CHURC1: variants seen among roughly 807,000 people sequenced by gnomAD.
CHURC1 encodes the protein protein Churchill.
A neutral mutation model predicts 15.4 loss-of-function variants in CHURC1; 12 were observed. That is an observed-to-expected ratio of 0.78 (90% CI 0.50 to 1.27). CHURC1 has a LOEUF of 1.27. Among genes scored for constraint, CHURC1 ranks in the 50% most tolerant of loss-of-function variants. The pLI is 0.00. For missense variants in CHURC1, 132 were observed against 137.8 expected (o/e 0.96, Z 0.21); for synonymous variants, 42 against 47.5 (o/e 0.88, Z 0.48).
chr14:64,924,314 T>C, intron 2 of CHURC1, 188 bp downstream of exon 2: 1 of 634,432 alleles, frequency 1.6e-6, no homozygotes. Context: ...TCTATGTAAA[T>C]GACTTTTGCA....
rs942969040 is a variant in CHURC1 at position 64,934,639 on chromosome 14, C to T, written c.*2409C>T. On this transcript the variant is annotated 3_prime_UTR_variant, in exon 4 of 4. Coordinates refer to ENST00000549115, the MANE Select transcript of CHURC1 (RefSeq NM_001386928.1). ...TTGCTGCAAATCTATATCTGACCTG[C>T]TGAGGAAATCGTTTGGTGAAATGAA... is the stretch of plus-strand genomic sequence containing the variant. 3 of 985,380 alleles carry T rather than the reference C, an allele frequency of 3.0e-6. No homozygotes were observed. Among genetic ancestry groups the T allele is most frequent in the Non-Finnish European group, 3.6e-6 (3 of 829,932 alleles). 61.0% of individuals were successfully genotyped at this position (985,380 alleles called of 1,614,324 possible). A position where few individuals can be genotyped will look rare whatever the true frequency, so the allele number is the denominator to read the frequency against.
At chr14:64,924,836 C>G (rs2182034) in intron 2 of CHURC1, among the ~76,000 whole-genome samples, 4,444 of 152,224 alleles carry the variant, frequency 0.029, 119 homozygotes, top group South Asian at 0.12. Flanking sequence ...TTCACATTCC[C>G]TTTTTGCTTG....
In CHURC1 at chr14:64,934,763, A is replaced by G. The variant is rs1467161394; in HGVS notation, c.*2533A>G. The G allele has an allele frequency of 1.6e-5, 16 of 985,276 alleles. No individual in the cohort carries two copies. Among genetic ancestry groups the G allele is most frequent in the Admixed American group, 6.2e-5 (1 of 16,260 alleles). 61.0% of individuals were successfully genotyped at this position (985,276 alleles called of 1,614,324 possible). A position where few individuals can be genotyped will look rare whatever the true frequency, so the allele number is the denominator to read the frequency against. On this transcript the variant is annotated 3_prime_UTR_variant, in exon 4 of 4. Transcript: ENST00000549115. ...TTCCTTGAGTTTGCTAATGCTTCCAACTTAGTCATTTGAAGCCCAAGAGTC... is the reference window on the plus strand; with the variant it reads ...TTCCTTGAGTTTGCTAATGCTTCCAGCTTAGTCATTTGAAGCCCAAGAGTC...
intron 1 of CHURC1, among the ~76,000 whole-genome samples, chr14:64,916,685 C>G (rs928239811): frequency 6.6e-6 from 1 of 152,152 alleles, no homozygotes; most frequent in Non-Finnish European, 1.5e-5. Context: ...TCATGCCATT[C>G]TCCTGCCTCA....
chr14:64,928,311 G>C (rs551051975), intron 3 of CHURC1, among the ~76,000 whole-genome samples: 4 of 152,300 alleles, frequency 2.6e-5, no homozygotes, highest in Admixed American at 2.6e-4. Flanking sequence ...GCAGTGGCCT[G>C]ATCACAGCTC....
At chr14:64,929,487 T>A (rs546731018) in intron 3 of CHURC1, among the ~76,000 whole-genome samples, 1 of 152,292 alleles carries the variant, frequency 6.6e-6, no homozygotes, top group Non-Finnish European at 1.5e-5. Context: ...TGCCATTACT[T>A]ACTGTCCTTG....
At chr14:64,928,150 A>G (rs117913613) in intron 3 of CHURC1, among the ~76,000 whole-genome samples, 3 of 151,948 alleles carry the variant, frequency 2.0e-5, no homozygotes, top group South Asian at 4.2e-4. Flanking sequence ...TGCTACCCCT[A>G]CTGCATTTCC....
intron 1 of CHURC1, among the ~76,000 whole-genome samples, chr14:64,917,481 T>C (rs553997899): frequency 6.6e-6 from 1 of 152,272 alleles, no homozygotes; most frequent in African/African-American, 2.4e-5. Context: ...TAGAATCGCT[T>C]GAACCTGGGA....
intron 2 of CHURC1, among the ~76,000 whole-genome samples, 187 bp from the exon 3 acceptor site, chr14:64,925,823 A>G (rs1413090923): frequency 7.2e-6 from 1 of 137,978 alleles, no homozygotes; most frequent in Non-Finnish European, 1.5e-5. Context: ...GAATTATGTA[A>G]CGTTGTTATG....
chr14:64,923,390 C>T (rs542584675), intron 1 of CHURC1, among the ~76,000 whole-genome samples: 6 of 151,978 alleles, frequency 3.9e-5, no homozygotes, highest in Non-Finnish European at 8.8e-5. Context: ...AACCCATTCT[C>T]TCTTAAATGC....
At chr14:64,916,667 T>C (rs1310532744) in intron 1 of CHURC1, among the ~76,000 whole-genome samples, 1 of 152,090 alleles carries the variant, frequency 6.6e-6, no homozygotes, top group African/African-American at 2.4e-5. Flanking sequence ...AAGCTCCGCC[T>C]CACTGGTTCA....
rs1489520004 is a variant in CHURC1 at position 64,926,032 on chromosome 14, T to C, written c.198T>C (p.His66=). 1 of 1,599,736 alleles carries C rather than the reference T, an allele frequency of 6.3e-7. No individual in the cohort carries two copies. ...TYDHLCKNCH[H]VIARHEYTFS... is the part of the protein sequence containing the mutation. The stretch of plus-strand genomic sequence containing the variant: ...CAGATTTGTGTAAGAATTGTCATCA[T>C]GTAATAGCCAGACATGAGTATACAT... Residue 66 remains histidine, a synonymous_variant, in exon 3 of 4, where the codon CAT becomes CAC. Coordinates refer to ENST00000549115, the MANE Select transcript of CHURC1 (RefSeq NM_001386928.1).
At position 64,935,024 on chromosome 14, in the gene CHURC1, T is replaced by G; in HGVS notation, c.*2794T>G. ...CAGAATCCTTATTTTTCTGTTCAAA[T>G]TAGGAATTAGGGACATGGATGAAAT... is the stretch of plus-strand genomic sequence containing the variant. On this transcript the variant is annotated 3_prime_UTR_variant, in exon 4 of 4. Coordinates refer to ENST00000549115, the MANE Select transcript of CHURC1 (RefSeq NM_001386928.1). 1.0e-6 allele frequency: 1 copy of G among 982,238 alleles called. No homozygotes were observed. The highest frequency in any genetic ancestry group is 5.2e-4 in the Middle Eastern group (1 of 1,910). 60.8% of individuals were successfully genotyped at this position (982,238 alleles called of 1,614,324 possible). A position where few individuals can be genotyped will look rare whatever the true frequency, so the allele number is the denominator to read the frequency against.
At chr14:64,919,306 T>C (rs1884109935) in intron 1 of CHURC1, among the ~76,000 whole-genome samples, 1 of 152,240 alleles carries the variant, frequency 6.6e-6, no homozygotes, top group Non-Finnish European at 1.5e-5. Flanking sequence ...CAGAAATACA[T>C]TATGAATCAG....
intron 3 of CHURC1, among the ~76,000 whole-genome samples, chr14:64,927,300 A>G (rs1273427450): frequency 3.9e-5 from 6 of 152,204 alleles, no homozygotes; most frequent in Admixed American, 6.5e-5. Flanking sequence ...TATTTATATG[A>G]TATGCGTAAC....
rs1345056093 is a variant in CHURC1, at chr14:64,914,470, G to C, written c.-26G>C. 4.3e-6 allele frequency: 7 copies of C among 1,614,284 alleles called. No individual in the cohort carries two copies. The highest frequency in any genetic ancestry group is 5.1e-6 in the Non-Finnish European group (6 of 1,180,048). On this transcript the variant is annotated 5_prime_UTR_variant, in exon 1 of 4. Transcript: ENST00000549115. ...GTTTCGTCTTCCCGGAAGCGTTGGA[G>C]GACATTCCCTGTTGACTGCGTCGCG... is the stretch of plus-strand genomic sequence containing the variant.
At position 64,934,705 on chromosome 14, in the gene CHURC1, G is replaced by A. The variant is rs1313990772; in HGVS notation, c.*2475G>A. The A allele has an allele frequency of 5.1e-6, 5 of 985,282 alleles. No individual in the cohort carries two copies. The highest frequency in any genetic ancestry group is 5.2e-4 in the Middle Eastern group (1 of 1,936). The allele number at this position is 985,282 out of a possible 1,614,324, so 61.0% of individuals were successfully genotyped here. A position where few individuals can be genotyped will look rare whatever the true frequency, so the allele number is the denominator to read the frequency against. The stretch of plus-strand genomic sequence containing the variant: ...AAATGCTTCATTACTTTAAATAGCA[G>A]CATTAAGCCCATTATAGCCTCTGAA... On this transcript the variant is annotated 3_prime_UTR_variant, in exon 4 of 4. Transcript: ENST00000549115.
At chr14:64,915,055 T>C (rs1009760494) in intron 1 of CHURC1, among the ~76,000 whole-genome samples, 1 of 152,262 alleles carries the variant, frequency 6.6e-6, no homozygotes, top group Admixed American at 6.5e-5. Context: ...TGAATCTCAG[T>C]TACTTTCAGG....
chr14:64,925,178 G>A (rs937689737), intron 2 of CHURC1, among the ~76,000 whole-genome samples: 5 of 152,068 alleles, frequency 3.3e-5, no homozygotes, highest in African/African-American at 1.2e-4. Context: ...TAAAAAGGTG[G>A]TGATGATACT....
Sources: allele counts gnomAD v4.1 joint callset (sites outside exome capture counted in the v4.1 genomes callset), GRCh38; gene constraint gnomAD v4.1.1; transcripts MANE v1.5; gene names NCBI Gene and HGNC (gene_info 2026-07-23, HGNC 2026-07-21).